Variants in FRMD1 observed in about 807,000 individuals in gnomAD.
FRMD1 encodes FERM domain containing 1, also known as FERM domain-containing protein 1.
FRMD1 carries 51 observed loss-of-function variants against 54.9 expected under a neutral mutation model. That is an observed-to-expected ratio of 0.93 (90% confidence interval 0.74 to 1.17). FRMD1 has a LOEUF of 1.17. Among genes scored for constraint, FRMD1 ranks in the 50% most tolerant of loss-of-function variants. The probability of loss-of-function intolerance (pLI) is 0.00; values close to 1 mark genes in which losing one functional copy is unlikely to be tolerated. For synonymous variants in FRMD1, 324 were observed against 306.4 expected, an observed-to-expected ratio of 1.06 and a Z score of -0.60; for missense variants, 729 against 743.0, an observed-to-expected ratio of 0.98 and a Z score of 0.22.
Position 168,063,907 on chromosome 6 carries a change from A to G in FRMD1, c.649-151T>C, listed in dbSNP as rs1583178059. The G allele has an allele frequency of 4.6e-6, 4 of 878,528 alleles. No homozygotes were observed. In the South Asian group the frequency reaches 7.8e-5, roughly 17 times the overall value. The allele number at this position is 878,528 out of a possible 1,614,324, so 54.4% of individuals were successfully genotyped here. On this transcript the variant is annotated intron_variant, in intron 5 of 10. Transcript: ENST00000283309. ...GGGCCTGGCTGCTGAGCCCAGAACC[A>G]GAGATGAAGTCTCAGTGCCCACTGT...
At chr6:168,060,536 C>T (rs1000346801) in intron 9 of FRMD1, among the ~76,000 whole-genome samples, 1 of 152,188 alleles carries the variant, frequency 6.6e-6, no homozygotes, top group Non-Finnish European at 1.5e-5. Flanking sequence ...GAACAGGAGA[C>T]TCGGGCACAG....
At position 168,057,190 on chromosome 6, in the gene FRMD1, G is replaced by A. The variant is rs148467454; in HGVS notation, c.1557C>T (p.Cys519=). 1.1e-4 allele frequency: 177 copies of A among 1,598,444 alleles called. No individual in the cohort carries two copies. The highest frequency in any genetic ancestry group is 5.1e-4 in the Admixed American group (30 of 58,774). The change falls in exon 11 of 11, where the codon TGC becomes TGT. Residue 519 remains cysteine, a synonymous_variant. Coordinates refer to ENST00000283309, the MANE Select transcript of FRMD1 (RefSeq NM_024919.6). ...RALDCRLAGP[C]ETRATLPSKR... ...TGCTGGGGAGAGTGGCCCTGGTCTC[G>A]CAGGGGCCTGCCAGCCTGCAGTCCA... is the stretch of plus-strand genomic sequence containing the variant.
intron 2 of FRMD1, among the ~76,000 whole-genome samples, chr6:168,070,995 A>G (rs1429561927): frequency 6.6e-6 from 1 of 152,206 alleles, no homozygotes; most frequent in African/African-American, 2.4e-5. Flanking sequence ...GGGACACACC[A>G]TGGAGTCCAC....
Position 168,061,972 on chromosome 6 carries a change from G to T in FRMD1, c.880C>A (p.Leu294Met), listed in dbSNP as rs369572506. 6.1e-5 allele frequency: 98 copies of T among 1,595,216 alleles called. No individual in the cohort carries two copies. Among genetic ancestry groups the T allele is most frequent in the Non-Finnish European group, 7.9e-5 (93 of 1,171,576 alleles). ...RGVHIYQGKK[L>M]EIQLDGLPAA... ...GGCAGCCCATCCAGCTGGATCTCCA[G>T]CTTCTTTCCCTGAGCAAACAGGAGA... The change falls in exon 8 of 11, where the codon CTG becomes ATG. Residue 294 changes from leucine (L) to methionine (M), a missense_variant. By Grantham distance (15) the Leu-to-Met change is conservative. Coordinates refer to ENST00000283309, the MANE Select transcript of FRMD1 (RefSeq NM_024919.6).
At chr6:168,058,841 C>T (rs1021394244) in intron 10 of FRMD1, among the ~76,000 whole-genome samples, 2 of 152,112 alleles carry the variant, frequency 1.3e-5, no homozygotes, top group African/African-American at 2.4e-5. Context: ...TACAGTGGCC[C>T]GGTGACACTC....
At chr6:168,091,692 C>T (rs1021108955) in intron 1 of FRMD1, among the ~76,000 whole-genome samples, 4 of 152,224 alleles carry the variant, frequency 2.6e-5, no homozygotes, top group African/African-American at 7.2e-5. Flanking sequence ...ACACGGCCTC[C>T]GAGTGACACA....
chr6:168,084,653 G>C (rs983942523), upstream of FRMD1, among the ~76,000 whole-genome samples: 1 of 152,226 alleles, frequency 6.6e-6, no homozygotes, highest in Non-Finnish European at 1.5e-5. Context: ...GGCTCCCTCC[G>C]TGAGAGCGCC....
At chr6:168,087,566 T>C (rs1458680762) in intron 1 of FRMD1, among the ~76,000 whole-genome samples, 2 of 152,186 alleles carry the variant, frequency 1.3e-5, no homozygotes, top group Non-Finnish European at 2.9e-5. Context: ...GCTGTCCAGG[T>C]GAGGGTGCAG....
intron 2 of FRMD1, among the ~76,000 whole-genome samples, 185 bp downstream of exon 2, chr6:168,075,060 T>A (rs993230901): frequency 6.6e-6 from 1 of 151,940 alleles, no homozygotes; most frequent in Non-Finnish European, 1.5e-5. Flanking sequence ...TGCATGTGTG[T>A]GGTGTGTGCA....
At chr6:168,073,497 G>T (rs554287398) in intron 2 of FRMD1, among the ~76,000 whole-genome samples, 79 of 152,240 alleles carry the variant, frequency 5.2e-4, no homozygotes, top group Non-Finnish European at 1.0e-3. Context: ...CACCGCCCAG[G>T]GGTCCCACAG....
intron 1 of FRMD1, among the ~76,000 whole-genome samples, chr6:168,078,440 A>G (rs1427905047): frequency 6.6e-6 from 1 of 152,050 alleles, no homozygotes; most frequent in East Asian, 1.9e-4. Flanking sequence ...TTGACACCTC[A>G]CAGACACCTG....
Position 168,074,991 on chromosome 6 carries a change from G to C in FRMD1, c.304+254C>G, listed in dbSNP as rs114371369. ...GTACACGTGCAAGTGGTGTGTAACT[G>C]TGTGCACTGTGCATGTGTGTGGTGT... On this transcript the variant is annotated intron_variant, in intron 2 of 10. Coordinates refer to ENST00000283309, the MANE Select transcript of FRMD1 (RefSeq NM_024919.6). Among the ~76,000 whole-genome samples the C allele has an allele frequency of 4.8e-3, 719 of 150,320 alleles. 10 individuals carry two copies. The highest frequency in any genetic ancestry group is 0.017 in the African/African-American group (684 of 40,846).
intron 10 of FRMD1, among the ~76,000 whole-genome samples, chr6:168,057,988 G>A (rs1001005005): frequency 3.3e-5 from 5 of 152,222 alleles, no homozygotes; most frequent in South Asian, 2.1e-4. Context: ...TAATCAATAC[G>A]TCTTTCAAGA....
At chr6:168,072,527 C>T (rs1800359606) in intron 2 of FRMD1, among the ~76,000 whole-genome samples, 1 of 152,230 alleles carries the variant, frequency 6.6e-6, no homozygotes, top group South Asian at 2.1e-4. Context: ...GTGCCGAGAA[C>T]TTGGGCACAG....
At chr6:168,086,594 A>C (rs1800925556) in intron 1 of FRMD1, among the ~76,000 whole-genome samples, 1 of 80,026 alleles carries the variant, frequency 1.2e-5, no homozygotes, top group Admixed American at 1.4e-4. Context: ...CCCATGTTCC[A>C]GCATGGATAC....
Position 168,060,936 on chromosome 6 carries a change from G to A in FRMD1, c.1167C>T (p.Ser389=), listed in dbSNP as rs759576407. 2.1e-5 allele frequency: 34 copies of A among 1,613,556 alleles called. No individual in the cohort carries two copies. The highest frequency in any genetic ancestry group is 1.3e-4 in the East Asian group (6 of 44,896). ...TGTAGGAACTGCCGTGGCTGTCGGC[G>A]GAGTGGCGTGAGAGGCAGTGGGGGC... is the stretch of plus-strand genomic sequence containing the variant. ...QHCPHCLSRH[S]ADSHGSSYTS... Residue 389 remains serine, a synonymous_variant, in exon 9 of 11, where the codon TCC becomes TCT. Coordinates refer to ENST00000283309, the MANE Select transcript of FRMD1 (RefSeq NM_024919.6).
chr6:168,061,197 G>A lies in FRMD1; in HGVS notation c.1046-140C>T, dbSNP rs114374203. 2.3e-3 allele frequency: 1,876 copies of A among 811,036 alleles called. 24 individuals are homozygous for A. The African/African-American group carries it at 0.029, about 12-fold the overall frequency. The allele number at this position is 811,036 out of a possible 1,614,324, so 50.2% of individuals were successfully genotyped here. On this transcript the variant is annotated intron_variant, in intron 8 of 10. Coordinates refer to ENST00000283309, the MANE Select transcript of FRMD1 (RefSeq NM_024919.6). ...GAACAGGCAGGGAGACCAGGCCTGCGGGTAAACGCTGAGGCCAGGCCTTGT... is the reference window on the plus strand; with the variant it reads ...GAACAGGCAGGGAGACCAGGCCTGCAGGTAAACGCTGAGGCCAGGCCTTGT...
At chr6:168,088,337 T>G (rs1002341027) in intron 1 of FRMD1, among the ~76,000 whole-genome samples, 3 of 152,120 alleles carry the variant, frequency 2.0e-5, no homozygotes. Flanking sequence ...GTCATTGGAT[T>G]TTATTCTTGG....
At position 168,055,691 on chromosome 6, in the gene FRMD1, C is replaced by A. The variant is rs1222924710; in HGVS notation, c.*1406G>T. On this transcript the variant is annotated 3_prime_UTR_variant, in exon 11 of 11. Coordinates refer to ENST00000283309, the MANE Select transcript of FRMD1 (RefSeq NM_024919.6). Reference sequence around the variant, plus strand: ...GTGGGCAGTCTTGCCCTCGGCAGCACTGGGGCTTGTGGCCATCTACAGAAC... The same window carrying A: ...GTGGGCAGTCTTGCCCTCGGCAGCAATGGGGCTTGTGGCCATCTACAGAAC... 3 of 152,210 alleles carry A rather than the reference C, an allele frequency of 2.0e-5. No individual in the cohort carries two copies. The allele number at this position is 152,210 out of a possible 1,614,324, so 9.4% of individuals were successfully genotyped here. A position where few individuals can be genotyped will look rare whatever the true frequency, so the allele number is the denominator to read the frequency against.
Sources: gnomAD v4.1 joint callset for allele counts (sites outside exome capture counted in the v4.1 genomes callset) on GRCh38, gnomAD v4.1.1 for gene constraint, MANE v1.5 for transcripts, NCBI Gene and HGNC (gene_info 2026-07-23, HGNC 2026-07-21) for gene names.